Variants in TCEANC2 observed in about 807,000 individuals in gnomAD.
The protein encoded by TCEANC2 is transcription elongation factor A N-terminal and central domain-containing protein 2.
In TCEANC2, 20 loss-of-function variants were observed where a neutral mutation model predicts 22.8. The observed-to-expected ratio is 0.88, with a 90% confidence interval of 0.62 to 1.28. TCEANC2 has a LOEUF of 1.28. Among genes scored for constraint, TCEANC2 ranks in the 50% most tolerant of loss-of-function variants. The pLI, the probability that TCEANC2 is intolerant of heterozygous loss-of-function variation, is 0.00. For missense variants in TCEANC2, 251 were observed against 249.7 expected, an observed-to-expected ratio of 1.01 and a Z score of -0.03; for synonymous variants, 84 against 95.5, an observed-to-expected ratio of 0.88 and a Z score of 0.70.
chr1:54,093,749 T>A (rs567355119), intron 4 of TCEANC2, among the ~76,000 whole-genome samples: 2 of 142,342 alleles, frequency 1.4e-5, no homozygotes, highest in East Asian at 2.0e-4. Flanking sequence ...TTTTTTTTTT[T>A]AATACAGGTA....
intron 3 of TCEANC2, among the ~76,000 whole-genome samples, chr1:54,086,593 G>A (rs571361188): frequency 6.6e-6 from 1 of 152,288 alleles, no homozygotes; most frequent in Admixed American, 6.5e-5. Context: ...AGTATTGGAT[G>A]ACAGTGGATA....
At chr1:54,090,137 A>T in intron 4 of TCEANC2, 1 of 476,674 alleles carries the variant, frequency 2.1e-6, no homozygotes. Context: ...TTTAAAAAAC[A>T]GCTCGTAGTT....
Position 54,096,818 on chromosome 1 carries a change from T to C in TCEANC2, c.*345T>C. 2.0e-6 allele frequency: 2 copies of C among 1,020,974 alleles called. No homozygotes were observed. Among genetic ancestry groups the C allele is most frequent in the Non-Finnish European group, 2.3e-6 (2 of 852,250 alleles). The allele number at this position is 1,020,974 out of a possible 1,614,324, so 63.2% of individuals were successfully genotyped here. A position where few individuals can be genotyped will look rare whatever the true frequency, so the allele number is the denominator to read the frequency against. ...CTTCCCCCATGTCAGTCAGATGAAG[T>C]TACTACTATATTTCACCACCCTGCA... On this transcript the variant is annotated 3_prime_UTR_variant, in exon 5 of 5. Transcript: ENST00000234827. The surrounding 1 kb of genome is among the most constrained non-coding windows in gnomAD (Gnocchi z 4.9).
chr1:54,059,117 A>G (rs1046903135), intron 2 of TCEANC2, among the ~76,000 whole-genome samples: 1 of 149,718 alleles, frequency 6.7e-6, no homozygotes, highest in Non-Finnish European at 1.5e-5. Flanking sequence ...TAAATCTTAG[A>G]TTATAAACTC....
At chr1:54,084,280 T>G (rs1439175080) in intron 3 of TCEANC2, among the ~76,000 whole-genome samples, 1 of 152,214 alleles carries the variant, frequency 6.6e-6, no homozygotes, top group Non-Finnish European at 1.5e-5. Flanking sequence ...CCCAAAGTGC[T>G]GGGGTTACAG....
downstream of TCEANC2, among the ~76,000 whole-genome samples, chr1:54,108,556 C>T (rs1658793782): frequency 6.6e-6 from 1 of 152,176 alleles, no homozygotes; most frequent in African/African-American, 2.4e-5. Flanking sequence ...CCCACTGACA[C>T]CTTGATCTTG....
At chr1:54,090,285 T>C (rs7521908) in intron 4 of TCEANC2, among the ~76,000 whole-genome samples, 39 of 152,138 alleles carry the variant, frequency 2.6e-4, no homozygotes, top group Non-Finnish European at 5.0e-4. Context: ...GAAAAATGTA[T>C]AAAAGGGAAA....
intron 3 of TCEANC2, among the ~76,000 whole-genome samples, chr1:54,075,456 G>C (rs528744256): frequency 6.6e-6 from 1 of 152,196 alleles, no homozygotes; most frequent in East Asian, 1.9e-4. Context: ...AATGTAATAT[G>C]CATGGCTAGA....
chr1:54,096,309 A>G lies in TCEANC2; in HGVS notation c.463A>G (p.Ile155Val). The G allele has an allele frequency of 6.3e-7, 1 of 1,598,874 alleles. No homozygotes were observed. Among genetic ancestry groups the G allele is most frequent in the Non-Finnish European group, 8.6e-7 (1 of 1,167,092 alleles). ...GATGGATCACCTACTGGTTGAAAAT[A>G]TTGAACGGGAAACGTTTCATCTCTG... is the stretch of plus-strand genomic sequence containing the variant. ...LKMDHLLVEN[I>V]ERETFHLCSR... Residue 155 changes from isoleucine to valine, a missense_variant, in exon 5 of 5, where the codon ATT becomes GTT. Ile to Val is a conservative substitution (Grantham distance 29). Coordinates refer to ENST00000234827, the MANE Select transcript of TCEANC2 (RefSeq NM_153035.3). The surrounding 1 kb of genome is among the most constrained non-coding windows in gnomAD (Gnocchi z 4.9).
intron 3 of TCEANC2, among the ~76,000 whole-genome samples, chr1:54,077,384 A>C (rs966866215): frequency 6.6e-5 from 10 of 152,088 alleles, no homozygotes; most frequent in Non-Finnish European, 1.0e-4. Context: ...CCTTTGGGAA[A>C]AGCATTCCAA....
downstream of TCEANC2, among the ~76,000 whole-genome samples, chr1:54,106,913 G>A (rs989236140): frequency 6.6e-6 from 1 of 152,062 alleles, no homozygotes; most frequent in African/African-American, 2.4e-5. Flanking sequence ...CACAAAAAGT[G>A]GCAAAAATAC....
intron 3 of TCEANC2, among the ~76,000 whole-genome samples, chr1:54,080,777 G>C (rs1449213433): frequency 6.6e-6 from 1 of 152,210 alleles, no homozygotes; most frequent in Non-Finnish European, 1.5e-5. Context: ...CAGTGTGCTG[G>C]GATGCAGAAA....
chr1:54,081,752 G>C (rs139703784), intron 3 of TCEANC2, among the ~76,000 whole-genome samples: 1 of 152,138 alleles, frequency 6.6e-6, no homozygotes, highest in Non-Finnish European at 1.5e-5. Context: ...CCCTACCTAC[G>C]CTTCCTGGGC....
At chr1:54,078,972 G>C (rs1233435535) in intron 3 of TCEANC2, among the ~76,000 whole-genome samples, 1 of 152,212 alleles carries the variant, frequency 6.6e-6, no homozygotes, top group Non-Finnish European at 1.5e-5. Flanking sequence ...AACGCCTTTG[G>C]AGCTGGCAGT....
chr1:54,091,361 C>T (rs75841658), intron 4 of TCEANC2, among the ~76,000 whole-genome samples: 1 of 152,150 alleles, frequency 6.6e-6, no homozygotes, highest in Admixed American at 6.5e-5. Context: ...ATGTTGAGTG[C>T]GTTCAAATCA....
In TCEANC2 at chr1:54,098,126, C is replaced by T. The variant is rs1299905711; in HGVS notation, c.*1653C>T. 6.6e-6 allele frequency: 1 copy of T among 152,240 alleles called. No homozygotes were observed. Among genetic ancestry groups the T allele is most frequent in the East Asian group, 1.9e-4 (1 of 5,206 alleles). 9.4% of individuals were successfully genotyped at this position (152,240 alleles called of 1,614,324 possible). On this transcript the variant is annotated 3_prime_UTR_variant, in exon 5 of 5. Coordinates refer to ENST00000234827, the MANE Select transcript of TCEANC2 (RefSeq NM_153035.3). Reference sequence around the variant, plus strand: ...TCCAGTTTGTATCGTCAGCCCAGACCTGTCCCCTGACTTTCAGATGATATT... The same window carrying T: ...TCCAGTTTGTATCGTCAGCCCAGACTTGTCCCCTGACTTTCAGATGATATT...
At chr1:54,058,744 C>G (rs1431169579) in intron 2 of TCEANC2, among the ~76,000 whole-genome samples, 1 of 152,174 alleles carries the variant, frequency 6.6e-6, no homozygotes, top group South Asian at 2.1e-4. Flanking sequence ...GCAACCTCCA[C>G]CTCCTGGGTT....
At chr1:54,056,085 A>T (rs1258977628) in intron 2 of TCEANC2, among the ~76,000 whole-genome samples, 3 of 152,164 alleles carry the variant, frequency 2.0e-5, no homozygotes, top group Admixed American at 6.5e-5. Context: ...ACTCTAGATG[A>T]TCTTTAAAGT....
At position 54,101,514 on chromosome 1, in the gene TCEANC2, A is replaced by T. The variant is rs989623713; in HGVS notation, c.*5041A>T. ...GTTGATAAAATCATTCTTTCAATAC[A>T]TATTTGTTGAGTTCTTACGTGTCAG... is the stretch of plus-strand genomic sequence containing the variant. On this transcript the variant is annotated 3_prime_UTR_variant, in exon 5 of 5. Coordinates refer to ENST00000234827, the MANE Select transcript of TCEANC2 (RefSeq NM_153035.3). The T allele has an allele frequency of 1.3e-5, 2 of 152,198 alleles. No individual in the cohort carries two copies. Among genetic ancestry groups the T allele is most frequent in the African/African-American group, 4.8e-5 (2 of 41,442 alleles). 9.4% of individuals were successfully genotyped at this position (152,198 alleles called of 1,614,324 possible).
Sources: gnomAD v4.1 joint callset for allele counts (sites outside exome capture counted in the v4.1 genomes callset) on GRCh38, gnomAD v4.1.1 for gene constraint, Gnocchi (gnomAD v3.1) non-coding constraint, MANE v1.5 for transcripts, NCBI Gene and HGNC (gene_info 2026-07-23, HGNC 2026-07-21) for gene names.